FUT4: variants seen among roughly 807,000 people sequenced by gnomAD.
The protein encoded by FUT4 is alpha-(1,3)-fucosyltransferase 4.
In FUT4, 1 loss-of-function variant was observed where a neutral mutation model predicts 3.8. That is an observed-to-expected ratio of 0.26 (90% CI 0.09 to 1.25). The LOEUF is 1.25. Among genes scored for constraint, FUT4 ranks in the 50% most tolerant of loss-of-function variants. The pLI, the probability that FUT4 is intolerant of heterozygous loss-of-function variation, is 0.47. For missense variants in FUT4, 880 were observed against 768.2 expected (o/e 1.15, Z -1.72); for synonymous variants, 417 against 355.3 (o/e 1.17, Z -1.95).
At position 94,544,567 on chromosome 11, in the gene FUT4, G is replaced by T. The variant is rs986358079; in HGVS notation, c.434G>T (p.Arg145Leu). 1 of 1,297,008 alleles carries T rather than the reference G, an allele frequency of 7.7e-7. No homozygotes were observed. 80.3% of individuals were successfully genotyped at this position (1,297,008 alleles called of 1,614,324 possible). Residue 145 changes from arginine to leucine, a missense_variant, in exon 1 of 1, where the codon CGA (arginine) becomes CTA (leucine). Coordinates refer to ENST00000358752, the MANE Select transcript of FUT4 (RefSeq NM_002033.4). ...AAAGGRRGWRRGRGLPWTVCV... is the reference protein window; with the variant it reads ...AAAGGRRGWRLGRGLPWTVCV... ...GCGGGCGGGCGGCGCGGGTGGCGCC[G>T]AGGCCGGGGGCTGCCATGGACCGTC...
In FUT4 at chr11:94,545,969, G is replaced by A. The variant is rs1382189825; in HGVS notation, c.*243G>A. On this transcript the variant is annotated 3_prime_UTR_variant, in exon 1 of 1. Coordinates refer to ENST00000358752, the MANE Select transcript of FUT4 (RefSeq NM_002033.4). ...TGCTGCTGATGGGCATCATTGTTTA[G>A]GGGTGAAGGAGGGGGTTCTTCCTCA... 4.5e-6 allele frequency: 3 copies of A among 668,868 alleles called. No individual in the cohort carries two copies. The highest frequency in any genetic ancestry group is 3.0e-5 in the East Asian group (1 of 33,896). The allele number at this position is 668,868 out of a possible 1,614,324, so 41.4% of individuals were successfully genotyped here. A position where few individuals can be genotyped will look rare whatever the true frequency, so the allele number is the denominator to read the frequency against.
rs1591756663 is a variant in FUT4, at chr11:94,544,952, A to G, written c.819A>G (p.Ala273=). Residue 273 remains alanine, a synonymous_variant, in exon 1 of 1, where the codon GCA becomes GCG. Coordinates refer to ENST00000358752, the MANE Select transcript of FUT4 (RefSeq NM_002033.4). The part of the protein sequence containing the change: ...VDLRVLDYEE[A]AAAAEALATS... ...TGCGCGTGTTGGACTACGAGGAGGCAGCGGCGGCGGCAGAAGCCCTGGCGA... is the reference window on the plus strand; with the variant it reads ...TGCGCGTGTTGGACTACGAGGAGGCGGCGGCGGCGGCAGAAGCCCTGGCGA... The G allele has an allele frequency of 6.2e-7, 1 of 1,605,690 alleles. No homozygotes were observed. The highest frequency in any genetic ancestry group is 8.5e-7 in the Non-Finnish European group (1 of 1,176,628).
chr11:94,546,181 T>G lies in FUT4; in HGVS notation c.*455T>G. On this transcript the variant is annotated 3_prime_UTR_variant, in exon 1 of 1. Transcript: ENST00000358752. ...CAAATTTGTGGTTGTAGAAGGAGCC[T>G]TGTTGGTGGAGAGTGGAAGGACTGT... 2.9e-6 allele frequency: 1 copy of G among 342,518 alleles called. No individual in the cohort carries two copies. Among genetic ancestry groups the G allele is most frequent in the Non-Finnish European group, 6.0e-6 (1 of 166,538 alleles). The allele number at this position is 342,518 out of a possible 1,614,324, so 21.2% of individuals were successfully genotyped here. A position where few individuals can be genotyped will look rare whatever the true frequency, so the allele number is the denominator to read the frequency against.
chr11:94,545,666 A>G lies in FUT4; in HGVS notation c.1533A>G (p.Val511=). ...CTTGGTGCCGGGTGTGCCAGGCTGT[A>G]CAGAGGGCTGGGGACCGGCCCAAGA... ...DEPWCRVCQA[V]QRAGDRPKSI... Residue 511 remains valine (V), a synonymous_variant, in exon 1 of 1, where the codon GTA becomes GTG. Coordinates refer to ENST00000358752, the MANE Select transcript of FUT4 (RefSeq NM_002033.4). 1 of 1,612,540 alleles carries G rather than the reference A, an allele frequency of 6.2e-7. No homozygotes were observed. Among genetic ancestry groups the G allele is most frequent in the South Asian group, 1.1e-5 (1 of 91,084 alleles).
In FUT4 at chr11:94,545,281, TG is replaced by T. The variant is rs762809902; in HGVS notation, c.1150del (p.Asp384ThrfsTer173). The T allele has an allele frequency of 2.5e-6, 4 of 1,612,130 alleles. No individual in the cohort carries two copies. The South Asian group carries it at 4.4e-5, about 18-fold the overall frequency. ...YYHQLSQHVT[V>X]DVFGRGGPGQ... ...CACCAACTGAGCCAACATGTGACCG[TG>T]GACGTGTTCGGCCGGGGCGGGCCGG... is the stretch of plus-strand genomic sequence containing the variant. On this transcript the variant is annotated frameshift_variant, in exon 1 of 1. Transcript: ENST00000358752. LOFTEE classifies it low-confidence loss of function (END_TRUNC).
In FUT4 at chr11:94,547,820, T is replaced by C. The variant is rs1373627064; in HGVS notation, c.*2094T>C. 2 of 167,044 alleles carry C rather than the reference T, an allele frequency of 1.2e-5. No homozygotes were observed. Among genetic ancestry groups the C allele is most frequent in the Non-Finnish European group, 2.9e-5 (2 of 68,130 alleles). 10.3% of individuals were successfully genotyped at this position (167,044 alleles called of 1,614,324 possible). ...GTGACATTGGGTAAATTAGTAGTAG[T>C]CCTGAGCCTCAGCGTCCTCATCTAT... On this transcript the variant is annotated 3_prime_UTR_variant, in exon 1 of 1. Transcript: ENST00000358752.
rs1947824170 is a variant in FUT4, at chr11:94,543,954, C to T, written c.-180C>T. Reference sequence around the variant, plus strand: ...GCGCCGGGTCCGCCTTCCGTCTGTTCTAGGGCCTGCTCCTGCGCGGCAGCT... The same window carrying T: ...GCGCCGGGTCCGCCTTCCGTCTGTTTTAGGGCCTGCTCCTGCGCGGCAGCT... On this transcript the variant is annotated 5_prime_UTR_variant, in exon 1 of 1. Transcript: ENST00000358752. 1 of 867,590 alleles carries T rather than the reference C, an allele frequency of 1.2e-6. No homozygotes were observed. The highest frequency in any genetic ancestry group is 1.8e-5 in the African/African-American group (1 of 57,064). 53.7% of individuals were successfully genotyped at this position (867,590 alleles called of 1,614,324 possible). A position where few individuals can be genotyped will look rare whatever the true frequency, so the allele number is the denominator to read the frequency against.
In FUT4 at chr11:94,547,068, G is replaced by A. The variant is rs892986364; in HGVS notation, c.*1342G>A. 5.4e-5 allele frequency: 9 copies of A among 167,072 alleles called. No individual in the cohort carries two copies. Among genetic ancestry groups the A allele is most frequent in the African/African-American group, 2.2e-4 (9 of 41,444 alleles). 10.3% of individuals were successfully genotyped at this position (167,072 alleles called of 1,614,324 possible). On this transcript the variant is annotated 3_prime_UTR_variant, in exon 1 of 1. Coordinates refer to ENST00000358752, the MANE Select transcript of FUT4 (RefSeq NM_002033.4). ...TATGGAACCAATCTTGAACATACAT[G>A]CATTGACTTGACAAGTTACTGAGTA...
In FUT4 at chr11:94,547,526, A is replaced by G. The variant is rs570847763; in HGVS notation, c.*1800A>G. 6.0e-6 allele frequency: 1 copy of G among 167,048 alleles called. No individual in the cohort carries two copies. Among genetic ancestry groups the G allele is most frequent in the Non-Finnish European group, 1.5e-5 (1 of 68,122 alleles). 10.3% of individuals were successfully genotyped at this position (167,048 alleles called of 1,614,324 possible). A position where few individuals can be genotyped will look rare whatever the true frequency, so the allele number is the denominator to read the frequency against. ...CATGTTTTTGCAGACATACTTGAAAAGCTCACTTAAATCTAGGTGCTTCAA... is the reference window on the plus strand; with the variant it reads ...CATGTTTTTGCAGACATACTTGAAAGGCTCACTTAAATCTAGGTGCTTCAA... On this transcript the variant is annotated 3_prime_UTR_variant, in exon 1 of 1. Coordinates refer to ENST00000358752, the MANE Select transcript of FUT4 (RefSeq NM_002033.4).
At position 94,544,346 on chromosome 11, in the gene FUT4, G is replaced by A. The variant is rs780907981; in HGVS notation, c.213G>A (p.Gly71=). Residue 71 remains glycine (G), a synonymous_variant, in exon 1 of 1, where the codon GGG becomes GGA. Coordinates refer to ENST00000358752, the MANE Select transcript of FUT4 (RefSeq NM_002033.4). The part of the protein sequence containing the change: ...ARPARHLGGA[G]QGPRPLHSGT... The stretch of plus-strand genomic sequence containing the variant: ...CCGCCCGGCACTTGGGAGGAGCAGG[G>A]CAGGGCCCGCGGCCTTTGCATTCTG... 1.2e-5 allele frequency: 18 copies of A among 1,550,036 alleles called. No homozygotes were observed. The Admixed American group carries it at 3.2e-4, about 28-fold the overall frequency.
In FUT4 at chr11:94,544,299, C is replaced by T; in HGVS notation, c.166C>T (p.His56Tyr). ...GCCCGGTTGGGCGTCCTGGCCAGCT[C>T]ACCTTGCCCTGGCGGCTCGCCCCGC... ...AVPGWASWPA[H>Y]LALAARPARH... Residue 56 changes from histidine (H) to tyrosine (Y), a missense_variant, in exon 1 of 1, where the codon CAC becomes TAC. Coordinates refer to ENST00000358752, the MANE Select transcript of FUT4 (RefSeq NM_002033.4). 1 of 1,563,394 alleles carries T rather than the reference C, an allele frequency of 6.4e-7. No individual in the cohort carries two copies. Among genetic ancestry groups the T allele is most frequent in the Non-Finnish European group, 8.6e-7 (1 of 1,160,334 alleles).
chr11:94,549,379 G>A lies in FUT4; in HGVS notation c.*3653G>A, dbSNP rs1346317399. On this transcript the variant is annotated 3_prime_UTR_variant, in exon 1 of 1. Coordinates refer to ENST00000358752, the MANE Select transcript of FUT4 (RefSeq NM_002033.4). Reference sequence around the variant, plus strand: ...GAAGGACTTGCATAACATTACAATAGCAGTGGCAGAACCAGCCATGCTTCT... The same window carrying A: ...GAAGGACTTGCATAACATTACAATAACAGTGGCAGAACCAGCCATGCTTCT... The A allele has an allele frequency of 1.2e-5, 2 of 167,054 alleles. No homozygotes were observed. The highest frequency in any genetic ancestry group is 2.4e-5 in the African/African-American group (1 of 41,428). 10.3% of individuals were successfully genotyped at this position (167,054 alleles called of 1,614,324 possible).
rs1410242644 is a variant in FUT4 at position 94,548,050 on chromosome 11, A to G, written c.*2324A>G. 6.0e-6 allele frequency: 1 copy of G among 166,804 alleles called. No individual in the cohort carries two copies. Among genetic ancestry groups the G allele is most frequent in the Non-Finnish European group, 1.5e-5 (1 of 68,112 alleles). 10.3% of individuals were successfully genotyped at this position (166,804 alleles called of 1,614,324 possible). A position where few individuals can be genotyped will look rare whatever the true frequency, so the allele number is the denominator to read the frequency against. On this transcript the variant is annotated 3_prime_UTR_variant, in exon 1 of 1. Coordinates refer to ENST00000358752, the MANE Select transcript of FUT4 (RefSeq NM_002033.4). The stretch of plus-strand genomic sequence containing the variant: ...AGAATAAATTAAAAGGATAATCTAA[A>G]TCACCATTTAGATTAAGCTTGACTT...
rs756627526 is a variant in FUT4, at chr11:94,544,774, G to A, written c.641G>A (p.Arg214His). The change falls in exon 1 of 1, where the codon CGC becomes CAC. Residue 214 changes from arginine to histidine, a missense_variant. This residue lies in a region of FUT4 where 447 missense variants were observed against 339.5 expected (regional missense o/e 1.32). Transcript: ENST00000358752. ...APRPPPDCRL[R>H]FNISGCRLLT... ...AGGCCGCCCCCTGACTGCCGGCTGCGCTTCAACATCAGCGGCTGCCGCCTG... is the reference window on the plus strand; with the variant it reads ...AGGCCGCCCCCTGACTGCCGGCTGCACTTCAACATCAGCGGCTGCCGCCTG... The A allele has an allele frequency of 6.3e-7, 1 of 1,584,562 alleles. No individual in the cohort carries two copies. The highest frequency in any genetic ancestry group is 8.5e-7 in the Non-Finnish European group (1 of 1,172,918).
In FUT4 at chr11:94,546,326, C is replaced by G. The variant is rs1947862018; in HGVS notation, c.*600C>G. 4 of 205,212 alleles carry G rather than the reference C, an allele frequency of 1.9e-5. No homozygotes were observed. Among genetic ancestry groups the G allele is most frequent in the Non-Finnish European group, 4.4e-5 (4 of 90,066 alleles). 12.7% of individuals were successfully genotyped at this position (205,212 alleles called of 1,614,324 possible). ...CACAAGTACTATCTGTTCCCCTGTC[C>G]TGTGAATGGAAGCAAAGTGCTGGAT... On this transcript the variant is annotated 3_prime_UTR_variant, in exon 1 of 1. Coordinates refer to ENST00000358752, the MANE Select transcript of FUT4 (RefSeq NM_002033.4).
chr11:94,546,025 T>G lies in FUT4; in HGVS notation c.*299T>G. ...TAACCAGTGCAGAAATGAAATAGCT[T>G]AGCGGCAAGAAGCCGTTGAGGCGGT... On this transcript the variant is annotated 3_prime_UTR_variant, in exon 1 of 1. Transcript: ENST00000358752. The G allele has an allele frequency of 2.0e-6, 1 of 488,356 alleles. No individual in the cohort carries two copies. Among genetic ancestry groups the G allele is most frequent in the Non-Finnish European group, 3.9e-6 (1 of 256,260 alleles). The allele number at this position is 488,356 out of a possible 1,614,324, so 30.3% of individuals were successfully genotyped here. A position where few individuals can be genotyped will look rare whatever the true frequency, so the allele number is the denominator to read the frequency against.
rs747106646 is a variant in FUT4 at position 94,549,499 on chromosome 11, A to G, written c.*3773A>G. On this transcript the variant is annotated 3_prime_UTR_variant, in exon 1 of 1. Coordinates refer to ENST00000358752, the MANE Select transcript of FUT4 (RefSeq NM_002033.4). ...TTGGGACCTCCTAGTTCCACGTGCT[A>G]TCATTCTACTAACTGGCACCCTAAG... 1.2e-5 allele frequency: 2 copies of G among 167,200 alleles called. No homozygotes were observed. The highest frequency in any genetic ancestry group is 4.8e-5 in the African/African-American group (2 of 41,574). 10.4% of individuals were successfully genotyped at this position (167,200 alleles called of 1,614,324 possible). A position where few individuals can be genotyped will look rare whatever the true frequency, so the allele number is the denominator to read the frequency against.
rs916841507 is a variant in FUT4, at chr11:94,549,483, C to T, written c.*3757C>T. 4 of 167,026 alleles carry T rather than the reference C, an allele frequency of 2.4e-5. No individual in the cohort carries two copies. Among genetic ancestry groups the T allele is most frequent in the Non-Finnish European group, 4.4e-5 (3 of 68,122 alleles). 10.3% of individuals were successfully genotyped at this position (167,026 alleles called of 1,614,324 possible). ...TAGACAAAATCATCTGTTGGGACCT[C>T]CTAGTTCCACGTGCTATCATTCTAC... is the stretch of plus-strand genomic sequence containing the variant. On this transcript the variant is annotated 3_prime_UTR_variant, in exon 1 of 1. Coordinates refer to ENST00000358752, the MANE Select transcript of FUT4 (RefSeq NM_002033.4).
rs374781853 is a variant in FUT4 at position 94,545,860 on chromosome 11, A to C, written c.*134A>C. 7.9e-5 allele frequency: 87 copies of C among 1,100,054 alleles called. No homozygotes were observed. In the East Asian group the frequency reaches 1.3e-3, roughly 16 times the overall value. The allele number at this position is 1,100,054 out of a possible 1,614,324, so 68.1% of individuals were successfully genotyped here. A position where few individuals can be genotyped will look rare whatever the true frequency, so the allele number is the denominator to read the frequency against. ...CCCATTTTTGCTCTATGGGAAAAAAACGATTTACCAATTAATATTACTCAG... is the reference window on the plus strand; with the variant it reads ...CCCATTTTTGCTCTATGGGAAAAAACCGATTTACCAATTAATATTACTCAG... On this transcript the variant is annotated 3_prime_UTR_variant, in exon 1 of 1. Coordinates refer to ENST00000358752, the MANE Select transcript of FUT4 (RefSeq NM_002033.4).
Sources: allele counts gnomAD v4.1 joint callset, GRCh38; gene constraint gnomAD v4.1.1; regional missense constraint gnomAD v4.1.1; transcripts MANE v1.5; gene names NCBI Gene and HGNC (gene_info 2026-07-23, HGNC 2026-07-21).